GRIN2A: variants seen among roughly 807,000 people sequenced by gnomAD.
GRIN2A encodes glutamate ionotropic receptor NMDA type subunit 2A.
Under a neutral mutation model 113.4 loss-of-function variants are expected in GRIN2A, and 22 were observed. That is an observed-to-expected ratio of 0.19 (90% CI 0.14 to 0.28). GRIN2A has a LOEUF of 0.28. Among genes scored for constraint, GRIN2A ranks in the 10% least tolerant of loss-of-function variants. The pLI is 1.00. For synonymous variants in GRIN2A, 827 were observed against 738.4 expected, an observed-to-expected ratio of 1.12 and a Z score of -1.94; for missense variants, 1,502 against 1,887.0, an observed-to-expected ratio of 0.80 and a Z score of 3.78.
At chr16:10,003,499 T>C (rs2046355982) in intron 2 of GRIN2A, among the ~76,000 whole-genome samples, 1 of 152,160 alleles carries the variant, frequency 6.6e-6, no homozygotes, top group Admixed American at 6.5e-5. Context: ...CATGGTATTG[T>C]TTGCATTATT....
chr16:9,791,812 A>G (rs1057022905), intron 11 of GRIN2A, among the ~76,000 whole-genome samples: 1 of 152,056 alleles, frequency 6.6e-6, no homozygotes, highest in South Asian at 2.1e-4. Flanking sequence ...CAAAAAAAGG[A>G]CTCAGGATGC....
chr16:9,843,643 C>T (rs2042721461), intron 5 of GRIN2A, among the ~76,000 whole-genome samples: 1 of 152,214 alleles, frequency 6.6e-6, no homozygotes, highest in East Asian at 1.9e-4. Flanking sequence ...GTGACTTGTA[C>T]TCAACCACTC....
intron 9 of GRIN2A, among the ~76,000 whole-genome samples, chr16:9,823,840 A>G (rs2042334312): frequency 6.6e-6 from 1 of 152,154 alleles, no homozygotes; most frequent in Admixed American, 6.5e-5. Context: ...TTCCTCAGAG[A>G]CCATTGCTAT....
chr16:9,881,952 G>A (rs1473970985), intron 4 of GRIN2A, among the ~76,000 whole-genome samples: 1 of 152,084 alleles, frequency 6.6e-6, no homozygotes, highest in East Asian at 1.9e-4. Flanking sequence ...TCTTCACTGG[G>A]ATGTGTGCGG....
intron 10 of GRIN2A, among the ~76,000 whole-genome samples, chr16:9,812,125 T>A (rs7184107): frequency 0.33 from 50,270 of 152,038 alleles, 9,528 homozygotes; most frequent in African/African-American, 0.53. Context: ...TTTTTATTTT[T>A]TTTACATTGT....
chr16:9,955,367 C>T (rs1190488042), intron 2 of GRIN2A, among the ~76,000 whole-genome samples: 1 of 152,154 alleles, frequency 6.6e-6, no homozygotes, highest in Non-Finnish European at 1.5e-5. Flanking sequence ...CTGTCCAACT[C>T]CTATTCTTCC....
intron 3 of GRIN2A, among the ~76,000 whole-genome samples, chr16:9,931,138 T>G (rs1254424581): frequency 6.6e-6 from 1 of 152,176 alleles, no homozygotes; most frequent in Non-Finnish European, 1.5e-5. Context: ...CTCTTCTACT[T>G]GATTTCCAGT....
intron 3 of GRIN2A, among the ~76,000 whole-genome samples, chr16:9,924,981 T>C (rs1350457710): frequency 1.3e-5 from 2 of 152,238 alleles, no homozygotes; most frequent in African/African-American, 4.8e-5. Flanking sequence ...TTCATTTAAA[T>C]CTGGGTAAGT....
intron 3 of GRIN2A, among the ~76,000 whole-genome samples, chr16:9,896,108 G>C (rs1402651673): frequency 6.6e-6 from 1 of 151,860 alleles, no homozygotes; most frequent in African/African-American, 2.4e-5. Context: ...GGAGTGCAGT[G>C]GTGTAATCTC....
chr16:9,866,613 T>C (rs1450802101), intron 4 of GRIN2A, among the ~76,000 whole-genome samples: 1 of 152,214 alleles, frequency 6.6e-6, no homozygotes, highest in African/African-American at 2.4e-5. Context: ...CTGGGGATAA[T>C]ATTGGTGATT....
chr16:10,087,959 G>C (rs1028628030), intron 2 of GRIN2A, among the ~76,000 whole-genome samples: 3 of 149,982 alleles, frequency 2.0e-5, no homozygotes, highest in African/African-American at 7.4e-5. Context: ...CAAAGTGCTA[G>C]GATTACAGGT....
At chr16:9,816,065 A>G (rs541756180) in intron 10 of GRIN2A, among the ~76,000 whole-genome samples, 1 of 152,244 alleles carries the variant, frequency 6.6e-6, no homozygotes. Flanking sequence ...AGTCAAAATC[A>G]TAAAGACAAA....
intron 2 of GRIN2A, among the ~76,000 whole-genome samples, chr16:10,037,902 A>G (rs1436238600): frequency 6.6e-6 from 1 of 152,068 alleles, no homozygotes; most frequent in East Asian, 1.9e-4. Flanking sequence ...TACAGGCATG[A>G]ATCATTGTGC....
chr16:10,054,870 AC>A (rs2047418613), intron 2 of GRIN2A, among the ~76,000 whole-genome samples: 1 of 151,548 alleles, frequency 6.6e-6, no homozygotes, highest in African/African-American at 2.4e-5. Flanking sequence ...ATATGGTAAA[AC>A]CCCATCTCTA....
rs570155580 is a variant in GRIN2A, at chr16:9,765,037, A to G, written c.2596-89T>C. 2,201 of 1,537,416 alleles carry G rather than the reference A, an allele frequency of 1.4e-3. 14 individuals carry two copies. Among genetic ancestry groups the G allele is most frequent in the Non-Finnish European group, 1.6e-3 (1,750 of 1,118,796 alleles). ...CTTGAACTTTACCTGCAAAGGTGAG[A>G]TTTGCACTTCTTGCAGGAGCCCTGG... On this transcript the variant is annotated intron_variant, in intron 12 of 12. Coordinates refer to ENST00000330684, the MANE Select transcript of GRIN2A (RefSeq NM_001134407.3).
chr16:10,170,974 G>A (rs1404152207), intron 2 of GRIN2A, among the ~76,000 whole-genome samples: 1 of 152,046 alleles, frequency 6.6e-6, no homozygotes, highest in Non-Finnish European at 1.5e-5. Flanking sequence ...CGGTATGGGG[G>A]GAACCTCCAG....
Position 9,882,603 on chromosome 16 carries a change from A to C in GRIN2A, c.1122+8383T>G, listed in dbSNP as rs571091404. Among the ~76,000 whole-genome samples the C allele has an allele frequency of 2.6e-5, 4 of 152,260 alleles. No homozygotes were observed. In the East Asian group the frequency reaches 7.7e-4, roughly 29 times the overall value. On this transcript the variant is annotated intron_variant, in intron 4 of 12. Coordinates refer to ENST00000330684, the MANE Select transcript of GRIN2A (RefSeq NM_001134407.3). ...GGAGATTGAGACCAGCCTGGGCAGC[A>C]TATCGAGAACTTGTGTCTGCAAAAG...
chr16:9,981,784 T>C (rs1188139923), intron 2 of GRIN2A, among the ~76,000 whole-genome samples: 1 of 152,166 alleles, frequency 6.6e-6, no homozygotes, highest in Non-Finnish European at 1.5e-5. Context: ...ATTAATATGG[T>C]ATTTATTTAT....
intron 2 of GRIN2A, among the ~76,000 whole-genome samples, chr16:9,969,401 G>A (rs892832589): frequency 6.6e-6 from 1 of 152,124 alleles, no homozygotes; most frequent in Non-Finnish European, 1.5e-5. Flanking sequence ...CCAAGGCTCT[G>A]TGTTGCATCC....
Sources: allele counts gnomAD v4.1 joint callset (sites outside exome capture counted in the v4.1 genomes callset), GRCh38; gene constraint gnomAD v4.1.1; transcripts MANE v1.5; gene names NCBI Gene and HGNC (gene_info 2026-07-23, HGNC 2026-07-21).